The following SLC9A6 variants were observed in gnomAD, a reference collection of about 807,000 sequenced individuals.
SLC9A6 encodes the protein solute carrier family 9 member A6.
A neutral mutation model predicts 45.3 loss-of-function variants in SLC9A6; 6 were observed. The ratio of observed to expected loss-of-function variants is 0.13; its 90% CI spans 0.07 to 0.26. The LOEUF is 0.26. Ranked by LOEUF, SLC9A6 falls within the 10% of genes least tolerant of loss-of-function variation. The pLI is 1.00. For synonymous variants in SLC9A6, 191 were observed against 187.7 expected (o/e 1.02, Z -0.14); for missense variants, 278 against 503.7 (o/e 0.55, Z 4.29).
chrX:135,981,191 T>C (rs368814203), upstream of SLC9A6, among the ~76,000 whole-genome samples: 4 of 111,643 alleles, frequency 3.6e-5, no homozygotes, highest in African/African-American at 1.3e-4. Context: ...ACAGGAAGCA[T>C]GACTTGGGGA....
At chrX:136,002,314 T>C in intron 7 of SLC9A6, 101 bp downstream of exon 7, 1 of 622,601 alleles carries the variant, frequency 1.6e-6, no homozygotes, top group Non-Finnish European at 2.7e-6. Flanking sequence ...TGGAAACATT[T>C]GGAAGAATGA....
chrX:136,039,910 T>G, intron 16 of SLC9A6, 166 bp from the exon 17 acceptor site: 1 of 492,972 alleles, frequency 2.0e-6, no homozygotes, highest in Non-Finnish European at 3.7e-6. Flanking sequence ...AAAATACCCC[T>G]TTGCTGTTTC....
intron 13 of SLC9A6, among the ~76,000 whole-genome samples, chrX:136,025,528 C>A (rs1556620476): frequency 2.7e-5 from 3 of 112,485 alleles, no homozygotes; most frequent in Admixed American, 9.4e-5. Context: ...GTCTTAATTT[C>A]TCTTTACTAT....
chrX:135,995,176 A>C (rs2089480988), intron 3 of SLC9A6, among the ~76,000 whole-genome samples, 191 bp downstream of exon 3: 1 of 112,126 alleles, frequency 8.9e-6, no homozygotes, highest in Non-Finnish European at 1.9e-5. Context: ...TTTCTGATTG[A>C]GGTTAAGTAG....
chrX:136,022,166 A>G (rs1556619982), intron 11 of SLC9A6, among the ~76,000 whole-genome samples: 1 of 111,688 alleles, frequency 9.0e-6, no homozygotes, highest in Non-Finnish European at 1.9e-5. Context: ...ACCAACACTG[A>G]CAATGAAAGT....
At position 136,012,992 on chromosome X, in the gene SLC9A6, C is replaced by T. The variant is rs1208426102; in HGVS notation, c.929C>T (p.Thr310Ile). ...TKLREFQLLE[T>I]GLFFLMSWST... Reference sequence around the variant, plus strand: ...TTACGGGAGTTCCAGTTGTTGGAGACAGGCCTGTTCTTCTTGATGTCCTGG... The same window carrying T: ...TTACGGGAGTTCCAGTTGTTGGAGATAGGCCTGTTCTTCTTGATGTCCTGG... The change falls in exon 9 of 18, where the codon ACA (threonine) becomes ATA (isoleucine). Residue 310 changes from threonine (T) to isoleucine (I), a missense_variant. Around this residue, in one of 5 missense-constraint regions of SLC9A6, gnomAD observed 13 missense variants for 58.8 expected, o/e 0.22. Coordinates refer to ENST00000630721, the MANE Select transcript of SLC9A6 (RefSeq NM_001379110.1). 5 of 1,208,921 alleles carry T rather than the reference C, an allele frequency of 4.1e-6. No individual in the cohort carries two copies. The highest frequency in any genetic ancestry group is 3.0e-5 in the East Asian group (1 of 33,784).
intron 10 of SLC9A6, among the ~76,000 whole-genome samples, chrX:136,015,308 G>A (rs189714948): frequency 7.1e-5 from 8 of 112,605 alleles, no homozygotes; most frequent in Admixed American, 1.9e-4. Context: ...CACTGGCAGA[G>A]TGAAGTAGTT....
chrX:136,015,169 A>G (rs1293884055), intron 10 of SLC9A6, among the ~76,000 whole-genome samples: 2 of 113,260 alleles, frequency 1.8e-5, no homozygotes, highest in African/African-American at 6.4e-5. Flanking sequence ...CAAAAGATCA[A>G]AAGAAGAATA....
chrX:135,978,114 CTAAG>C (rs2089271058), intron 1 of SLC9A6, among the ~76,000 whole-genome samples: 1 of 112,433 alleles, frequency 8.9e-6, no homozygotes, highest in Non-Finnish European at 1.9e-5. Flanking sequence ...ATAGTAAACA[CTAAG>C]TAAATGTCAG....
intron 11 of SLC9A6, among the ~76,000 whole-genome samples, chrX:136,017,534 T>C (rs2071043091): frequency 9.0e-6 from 1 of 110,720 alleles, no homozygotes; most frequent in Non-Finnish European, 1.9e-5. Context: ...CCAAAGCATG[T>C]AGAGAGAAAT....
intron 8 of SLC9A6, among the ~76,000 whole-genome samples, chrX:136,011,316 T>C (rs2070916217): frequency 1.8e-5 from 2 of 112,274 alleles, no homozygotes; most frequent in South Asian, 7.4e-4. Context: ...CTCGGCTCAC[T>C]GCAACCTCCG....
intron 15 of SLC9A6, among the ~76,000 whole-genome samples, chrX:136,031,913 C>G (rs951269065): frequency 8.1e-5 from 9 of 111,555 alleles, no homozygotes; most frequent in Admixed American, 1.9e-4. Context: ...TAAGCCCATA[C>G]AGTGTTTCCA....
rs376254654 is a variant in SLC9A6 at position 136,010,224 on chromosome X, AC to A, written c.744-208del. 0.048 allele frequency: 9,168 copies of A among 189,429 alleles called. 36 individuals carry two copies. The highest frequency in any genetic ancestry group is 0.077 in the East Asian group (624 of 8,142). 15.6% of individuals were successfully genotyped at this position (189,429 alleles called of 1,213,427 possible). A position where few individuals can be genotyped will look rare whatever the true frequency, so the allele number is the denominator to read the frequency against. ...CATATAGAGGATTTTACAATGTTCTACCCCCCCCCCGAAATTAACATTTAAG... is the reference window on the plus strand; with the variant it reads ...CATATAGAGGATTTTACAATGTTCTACCCCCCCCCGAAATTAACATTTAAG... On this transcript the variant is annotated intron_variant, in intron 7 of 17. Coordinates refer to ENST00000630721, the MANE Select transcript of SLC9A6 (RefSeq NM_001379110.1).
chrX:135,994,589 A>G lies in SLC9A6; in HGVS notation c.170-197A>G, dbSNP rs180893504. Among the ~76,000 whole-genome samples the G allele has an allele frequency of 5.1e-3, 568 of 111,521 alleles. 10 individuals carry two copies. The highest frequency in any genetic ancestry group is 0.017 in the African/African-American group (528 of 30,665). Reference sequence around the variant, plus strand: ...AGGGAATGTTTTTCTCTCCTGTTTCACTGGATTATATGAAGATTGGGCTGT... The same window carrying G: ...AGGGAATGTTTTTCTCTCCTGTTTCGCTGGATTATATGAAGATTGGGCTGT... On this transcript the variant is annotated intron_variant, in intron 2 of 17. Coordinates refer to ENST00000630721, the MANE Select transcript of SLC9A6 (RefSeq NM_001379110.1).
chrX:135,994,423 A>G (rs1556616161), intron 2 of SLC9A6, among the ~76,000 whole-genome samples: 1 of 111,418 alleles, frequency 9.0e-6, no homozygotes, highest in Non-Finnish European at 1.9e-5. Context: ...CACATTTCTA[A>G]CACGATTGCA....
intron 13 of SLC9A6, among the ~76,000 whole-genome samples, chrX:136,025,338 G>C (rs1210307166): frequency 8.9e-6 from 1 of 112,549 alleles, no homozygotes; most frequent in Non-Finnish European, 1.9e-5. Flanking sequence ...TCTGTGTTTG[G>C]CTGAAACTTC....
chrX:135,987,257 G>T (rs1321351235), intron 2 of SLC9A6, among the ~76,000 whole-genome samples: 1 of 111,984 alleles, frequency 8.9e-6, no homozygotes, highest in Non-Finnish European at 1.9e-5. Flanking sequence ...AAATTGGCCA[G>T]ATAAGCTATA....
intron 11 of SLC9A6, among the ~76,000 whole-genome samples, chrX:136,019,604 T>G (rs1479264082): frequency 4.4e-5 from 5 of 112,523 alleles, no homozygotes; most frequent in Non-Finnish European, 7.5e-5. Context: ...GAATCACTTT[T>G]TAAAATAAAT....
chrX:135,973,871 C>G (rs1267311901), upstream of SLC9A6: 9 of 1,152,169 alleles, frequency 7.8e-6, no homozygotes, highest in Admixed American at 1.9e-4. Flanking sequence ...GAAAGCTACA[C>G]GGAAAAAGGT....
Sources: allele counts gnomAD v4.1 joint callset (sites outside exome capture counted in the v4.1 genomes callset), GRCh38; gene constraint gnomAD v4.1.1; regional missense constraint gnomAD v4.1.1; transcripts MANE v1.5; gene names NCBI Gene and HGNC (gene_info 2026-07-23, HGNC 2026-07-21).